The following ARHGEF16 variants were observed in gnomAD, a reference collection of about 807,000 sequenced individuals.
The protein encoded by ARHGEF16 is Rho guanine exchange factor (GEF) 16.
ARHGEF16 carries 59 observed loss-of-function variants against 74.1 expected under a neutral mutation model. The observed-to-expected ratio is 0.80, with a 90% confidence interval of 0.65 to 0.99. The LOEUF (loss-of-function observed/expected upper bound fraction) is 0.99. ARHGEF16 is among the 50% of genes least tolerant of loss of function. The pLI is 0.00. For synonymous variants in ARHGEF16, 415 were observed against 412.6 expected, an observed-to-expected ratio of 1.01 and a Z score of -0.07; for missense variants, 948 against 986.6, an observed-to-expected ratio of 0.96 and a Z score of 0.52.
chr1:3,476,610 G>GC (rs1024021133), intron 10 of ARHGEF16, among the ~76,000 whole-genome samples: 6 of 152,048 alleles, frequency 3.9e-5, no homozygotes, highest in African/African-American at 1.2e-4. Flanking sequence ...TCCCTCCAGA[G>GC]CCCCCCACCC....
chr1:3,470,118 G>T (rs1259096829), intron 6 of ARHGEF16, among the ~76,000 whole-genome samples: 3 of 151,912 alleles, frequency 2.0e-5, no homozygotes, highest in African/African-American at 7.3e-5. Context: ...TGTGTGCGTG[G>T]GTGTGTGTGT....
chr1:3,468,728 A>G (rs1221672634), intron 4 of ARHGEF16, 152 bp from the exon 5 acceptor site: 5 of 783,646 alleles, frequency 6.4e-6, no homozygotes. Context: ...GGCCCTCGGC[A>G]GGACAGGCCT....
intron 10 of ARHGEF16, among the ~76,000 whole-genome samples, chr1:3,477,467 C>T (rs768994216): frequency 6.7e-5 from 10 of 148,970 alleles, no homozygotes; most frequent in African/African-American, 1.5e-4. Context: ...GTGGCCATCA[C>T]GGGTGGGCCT....
In ARHGEF16 at chr1:3,473,123, C is replaced by G; in HGVS notation, c.1068C>G (p.Val356=). ...AGCGGCACAAGGCCCAGGTGCTGGTCGAGGACATCAGTGACATCCTGGAGG... is the reference window on the plus strand; with the variant it reads ...AGCGGCACAAGGCCCAGGTGCTGGTGGAGGACATCAGTGACATCCTGGAGG... The part of the protein sequence containing the change: ...LEQRHKAQVL[V]EDISDILEEH... The change falls in exon 7 of 15, where the codon GTC becomes GTG. Residue 356 remains valine, a synonymous_variant. Coordinates refer to ENST00000378378, the MANE Select transcript of ARHGEF16 (RefSeq NM_014448.4). 1.2e-6 allele frequency: 2 copies of G among 1,613,450 alleles called. No homozygotes were observed. Among genetic ancestry groups the G allele is most frequent in the Non-Finnish European group, 1.7e-6 (2 of 1,180,002 alleles).
At chr1:3,470,170 G>A (rs1395259851) in intron 6 of ARHGEF16, among the ~76,000 whole-genome samples, 1 of 150,750 alleles carries the variant, frequency 6.6e-6, no homozygotes, top group Non-Finnish European at 1.5e-5. Context: ...CATGGTCAGT[G>A]GTGTGTGTGA....
At chr1:3,468,439 G>A in intron 4 of ARHGEF16, 1 of 194,156 alleles carries the variant, frequency 5.2e-6, no homozygotes, top group South Asian at 1.0e-4. Flanking sequence ...AGGGAGCCCG[G>A]GCGGAAACAG....
chr1:3,463,454 C>A lies in ARHGEF16; in HGVS notation c.370C>A (p.Leu124Ile), dbSNP rs1639458816. The A allele has an allele frequency of 6.5e-7, 1 of 1,540,666 alleles. No individual in the cohort carries two copies. Among genetic ancestry groups the A allele is most frequent in the Non-Finnish European group, 8.8e-7 (1 of 1,141,628 alleles). The change falls in exon 2 of 15, where the codon CTC becomes ATC. Residue 124 changes from leucine (L) to isoleucine (I), a missense_variant. Coordinates refer to ENST00000378378, the MANE Select transcript of ARHGEF16 (RefSeq NM_014448.4). ...SREAARRDPK[L>I]LPAPSFSLDD... The stretch of plus-strand genomic sequence containing the variant: ...GGAGGCCGCCCGGCGGGACCCTAAG[C>A]TCCTCCCAGCCCCCAGCTTCTCCCT...
At chr1:3,466,897 G>A (rs555823839) in intron 3 of ARHGEF16, 17 of 379,110 alleles carry the variant, frequency 4.5e-5, no homozygotes, top group East Asian at 8.7e-5. Context: ...AGGCAGCAGC[G>A]ATGCCCCACG....
intron 4 of ARHGEF16, chr1:3,468,595 G>T: frequency 4.4e-6 from 2 of 458,318 alleles, no homozygotes; most frequent in South Asian, 4.6e-5. Context: ...ATCCCCCCCC[G>T]CCCTCTGGCC....
chr1:3,478,422 A>C lies in ARHGEF16; in HGVS notation c.1626-2A>C. 1 of 1,589,872 alleles carries C rather than the reference A, an allele frequency of 6.3e-7. No individual in the cohort carries two copies. The highest frequency in any genetic ancestry group is 8.6e-7 in the Non-Finnish European group (1 of 1,163,566). On this transcript the variant is annotated splice_acceptor_variant, in intron 11 of 14. Coordinates refer to ENST00000378378, the MANE Select transcript of ARHGEF16 (RefSeq NM_014448.4). LOFTEE classifies it high-confidence loss of function. ...TCCCACCGACTGCCCGTGTCTCCAC[A>C]GCGAGGAGAGCTACATGGTCCAGGA...
In ARHGEF16 at chr1:3,479,856, G is replaced by A. The variant is rs185082066; in HGVS notation, c.1933G>A (p.Ala645Thr). 178 of 1,612,372 alleles carry A rather than the reference G, an allele frequency of 1.1e-4. No homozygotes were observed. The East Asian group carries it at 3.2e-3, about 29-fold the overall frequency. Residue 645 changes from alanine to threonine, a missense_variant, in exon 14 of 15, where the codon GCA becomes ACA. By Grantham distance (58) the Ala-to-Thr change is moderately conservative. Coordinates refer to ENST00000378378, the MANE Select transcript of ARHGEF16 (RefSeq NM_014448.4). ...CACCAAGGCCTTCTTCGCGAAGCAA[G>A]CAGACGAGGTCACACTGCAGCAGGC... ...EITKAFFAKQADEVTLQQADV... is the reference protein window; with the variant it reads ...EITKAFFAKQTDEVTLQQADV...
chr1:3,477,989 C>T lies in ARHGEF16; in HGVS notation c.1588C>T (p.Leu530=), dbSNP rs1391892003. Residue 530 remains leucine (L), a synonymous_variant, in exon 11 of 15, where the codon CTG becomes TTG. Transcript: ENST00000378378. ...IASRPTCYLF[L]FNDVLVVTKK... ...CAGCCGGCCAACGTGCTACCTTTTCCTGTTCAACGATGTCCTGGTTGTGAC... is the reference window on the plus strand; with the variant it reads ...CAGCCGGCCAACGTGCTACCTTTTCTTGTTCAACGATGTCCTGGTTGTGAC... 3.7e-6 allele frequency: 6 copies of T among 1,612,690 alleles called. No individual in the cohort carries two copies. The South Asian group carries it at 6.6e-5, about 18-fold the overall frequency.
intron 2 of ARHGEF16, 26 bp downstream of exon 2, chr1:3,463,698 G>T: frequency 7.3e-7 from 1 of 1,377,990 alleles, no homozygotes. Flanking sequence ...TGTGGACCGT[G>T]GGGAGGGGGC....
chr1:3,473,668 G>A (rs1252890279), intron 8 of ARHGEF16, 146 bp downstream of exon 8: 1 of 1,352,694 alleles, frequency 7.4e-7, no homozygotes, highest in Non-Finnish European at 1.0e-6. Flanking sequence ...TCCTAAGATG[G>A]CTTTATTAAC....
Position 3,469,351 on chromosome 1 carries a change from G to A in ARHGEF16, c.862-82G>A, listed in dbSNP as rs117479013. 8,414 of 1,526,886 alleles carry A rather than the reference G, an allele frequency of 5.5e-3. 430 individuals are homozygous for A. In the East Asian group the frequency reaches 0.11, roughly 19 times the overall value. The allele number at this position is 1,526,886 out of a possible 1,614,324, so 94.6% of individuals were successfully genotyped here. On this transcript the variant is annotated intron_variant, in intron 5 of 14. Transcript: ENST00000378378. Reference sequence around the variant, plus strand: ...CACCTGCCCCTGCCACCCGGGTCACGTCCTCCTGTTCCAAGCATTGGTCAC... The same window carrying A: ...CACCTGCCCCTGCCACCCGGGTCACATCCTCCTGTTCCAAGCATTGGTCAC...
intron 12 of ARHGEF16, 96 bp from the exon 13 acceptor site, chr1:3,479,421 T>G: frequency 2.3e-6 from 3 of 1,295,836 alleles, no homozygotes; most frequent in African/African-American, 1.5e-5. Context: ...CCCCATCTCC[T>G]TGCCACGGCC....
At position 3,479,862 on chromosome 1, in the gene ARHGEF16, G is replaced by A. The variant is rs774194896; in HGVS notation, c.1939G>A (p.Glu647Lys). 8.1e-6 allele frequency: 13 copies of A among 1,612,288 alleles called. No individual in the cohort carries two copies. Among genetic ancestry groups the A allele is most frequent in the Admixed American group, 6.7e-5 (4 of 60,002 alleles). ...GGCCTTCTTCGCGAAGCAAGCAGACGAGGTCACACTGCAGCAGGCGGACGT... is the reference window on the plus strand; with the variant it reads ...GGCCTTCTTCGCGAAGCAAGCAGACAAGGTCACACTGCAGCAGGCGGACGT... ...TKAFFAKQADEVTLQQADVVL... is the reference protein window; with the variant it reads ...TKAFFAKQADKVTLQQADVVL... Residue 647 changes from glutamate (E) to lysine (K), a missense_variant, in exon 14 of 15, where the codon GAG (glutamate) becomes AAG (lysine). Transcript: ENST00000378378.
intron 3 of ARHGEF16, chr1:3,466,933 T>C: frequency 2.1e-6 from 1 of 474,312 alleles, no homozygotes; most frequent in Non-Finnish European, 3.8e-6. Flanking sequence ...GGTTGGGGGC[T>C]GCTGTGAGGG....
At chr1:3,458,037 T>C (rs1639305005) in intron 1 of ARHGEF16, among the ~76,000 whole-genome samples, 1 of 152,158 alleles carries the variant, frequency 6.6e-6, no homozygotes, top group Non-Finnish European at 1.5e-5. Context: ...CCAAGTCCCC[T>C]TGCAAGTTGG....
Sources: gnomAD v4.1 joint callset for allele counts (sites outside exome capture counted in the v4.1 genomes callset) on GRCh38, gnomAD v4.1.1 for gene constraint, MANE v1.5 for transcripts, NCBI Gene and HGNC (gene_info 2026-07-23, HGNC 2026-07-21) for gene names.